Variants in POU2AF2 observed in about 807,000 individuals in gnomAD.
POU2AF2 encodes POU class 2 homeobox associating factor 2, also known as POU domain class 2-associating factor 2.
the POU2AF2 span, among the ~76,000 whole-genome samples, chr11:111,251,717 A>G: frequency 7.9e-5 from 12 of 151,914 alleles, no homozygotes; most frequent in African/African-American, 2.9e-4. Flanking sequence ...TCCAAAGTGT[A>G]CTCTTCCCCC....
At chr11:111,247,741 C>T in the POU2AF2 span, among the ~76,000 whole-genome samples, 2 of 151,558 alleles carry the variant, frequency 1.3e-5, no homozygotes, top group Non-Finnish European at 2.9e-5. Flanking sequence ...GAGCTGAGAT[C>T]GTGCCACTGC....
chr11:111,276,433 T>TAAAAATA, the POU2AF2 span, among the ~76,000 whole-genome samples: 1 of 30,566 alleles, frequency 3.3e-5, no homozygotes, highest in Non-Finnish European at 5.6e-5. Flanking sequence ...CCATCTCTAC[T>TAAAAATA]AAAAAGAAAA....
At chr11:111,268,534 T>A in the POU2AF2 span, among the ~76,000 whole-genome samples, 1 of 111,130 alleles carries the variant, frequency 9.0e-6, no homozygotes, top group Non-Finnish European at 1.8e-5. Flanking sequence ...TTTATTTTAT[T>A]TTATTTTATT....
At chr11:111,279,384 T>C in the POU2AF2 span, among the ~76,000 whole-genome samples, 2 of 152,192 alleles carry the variant, frequency 1.3e-5, no homozygotes, top group Non-Finnish European at 2.9e-5. Flanking sequence ...GCAACAGAAA[T>C]GTATCATCTC....
chr11:111,259,982 C>T, the POU2AF2 span, among the ~76,000 whole-genome samples: 5 of 152,212 alleles, frequency 3.3e-5, no homozygotes, highest in African/African-American at 7.2e-5. Context: ...ACTGATGTTT[C>T]ATCCTCTTAA....
chr11:111,274,718 C>T, the POU2AF2 span, among the ~76,000 whole-genome samples: 1 of 150,832 alleles, frequency 6.6e-6, no homozygotes, highest in Non-Finnish European at 1.5e-5. Context: ...TCTGGATGTC[C>T]CTAAGTCTCC....
At chr11:111,265,176 G>C in the POU2AF2 span, among the ~76,000 whole-genome samples, 4 of 152,092 alleles carry the variant, frequency 2.6e-5, no homozygotes, top group African/African-American at 7.2e-5. Flanking sequence ...CTGCAGCATA[G>C]AGAAGTGAAA....
the POU2AF2 span, among the ~76,000 whole-genome samples, chr11:111,281,189 A>G: frequency 1.3e-5 from 2 of 152,206 alleles, no homozygotes; most frequent in Non-Finnish European, 2.9e-5. Context: ...ATGTTTATCA[A>G]AATGTAAAAG....
the POU2AF2 span, among the ~76,000 whole-genome samples, chr11:111,279,839 C>A: frequency 6.6e-6 from 1 of 151,604 alleles, no homozygotes; most frequent in South Asian, 2.1e-4. Flanking sequence ...GTCAGGAGTT[C>A]GAGACCAGCC....
At chr11:111,277,482 A>G in the POU2AF2 span, among the ~76,000 whole-genome samples, 1 of 152,232 alleles carries the variant, frequency 6.6e-6, no homozygotes. Flanking sequence ...TAGAGCAGAT[A>G]TGTCAAAAGG....
chr11:111,267,163 A>G, the POU2AF2 span, among the ~76,000 whole-genome samples: 1 of 152,328 alleles, frequency 6.6e-6, no homozygotes, highest in East Asian at 1.9e-4. Context: ...CACTGGACCC[A>G]AGAAGTTTTC....
At chr11:111,270,172 C>T in the POU2AF2 span, among the ~76,000 whole-genome samples, 3 of 152,184 alleles carry the variant, frequency 2.0e-5, no homozygotes, top group African/African-American at 7.2e-5. Flanking sequence ...TAAATTCTCC[C>T]AGAAAATTTG....
the POU2AF2 span, chr11:111,285,542 C>A: frequency 2.6e-6 from 3 of 1,157,112 alleles, no homozygotes; most frequent in African/African-American, 1.6e-5. Context: ...AGGCTTCAGG[C>A]AGCAGAGAGA....
the POU2AF2 span, among the ~76,000 whole-genome samples, chr11:111,274,963 C>T: frequency 6.6e-6 from 1 of 152,108 alleles, no homozygotes; most frequent in East Asian, 1.9e-4. Context: ...AATAATATTA[C>T]TTATCTTCTG....
chr11:111,248,009 G>A, the POU2AF2 span, among the ~76,000 whole-genome samples: 1 of 148,630 alleles, frequency 6.7e-6, no homozygotes, highest in African/African-American at 2.5e-5. Flanking sequence ...TCAGCCTCCC[G>A]AGTAGTTGGG....
At chr11:111,264,553 AAAGAAAGAAAGAAAGAAAGAAAGG>A in the POU2AF2 span, among the ~76,000 whole-genome samples, 1,005 of 66,334 alleles carry the variant, frequency 0.015, 95 homozygotes, top group African/African-American at 0.031. Flanking sequence ...AGAAAGAAAG[AAAGAAAGAAAGAAAGAAAGAAAGG>A]GAGAGAGAAA....
the POU2AF2 span, among the ~76,000 whole-genome samples, chr11:111,266,443 C>T: frequency 6.6e-6 from 1 of 152,110 alleles, no homozygotes; most frequent in African/African-American, 2.4e-5. Context: ...TCTGATTCAA[C>T]TAGAGTTTTG....
At chr11:111,277,912 A>C in the POU2AF2 span, among the ~76,000 whole-genome samples, 12 of 152,226 alleles carry the variant, frequency 7.9e-5, no homozygotes, top group African/African-American at 2.9e-4. Flanking sequence ...ACTGGATAAC[A>C]TGGGCGCCTG....
At chr11:111,251,719 T>A in the POU2AF2 span, among the ~76,000 whole-genome samples, 1 of 152,216 alleles carries the variant, frequency 6.6e-6, no homozygotes, top group African/African-American at 2.4e-5. Flanking sequence ...CAAAGTGTAC[T>A]CTTCCCCCTC....
Sources: allele counts gnomAD v4.1 joint callset (sites outside exome capture counted in the v4.1 genomes callset), GRCh38; gene constraint gnomAD v4.1.1; transcripts MANE v1.5; gene names NCBI Gene and HGNC (gene_info 2026-07-23, HGNC 2026-07-21).